Variants in ST6GALNAC5 observed in about 807,000 individuals in gnomAD.
ST6GALNAC5 encodes ST6 N-acetylgalactosaminide alpha-2,6-sialyltransferase 5.
In ST6GALNAC5, 27 loss-of-function variants were observed where a neutral mutation model predicts 33.6. That is an observed-to-expected ratio of 0.80 (90% CI 0.59 to 1.11). ST6GALNAC5 has a LOEUF of 1.11. ST6GALNAC5 is among the 50% of genes least tolerant of loss of function. The pLI is 0.00. For missense variants in ST6GALNAC5, 428 were observed against 454.0 expected (o/e 0.94, Z 0.52); for synonymous variants, 194 against 171.2 (o/e 1.13, Z -1.04).
intron 2 of ST6GALNAC5, among the ~76,000 whole-genome samples, chr1:76,999,675 A>G (rs1427945772): frequency 6.9e-6 from 1 of 144,734 alleles, no homozygotes; most frequent in Non-Finnish European, 1.5e-5. Context: ...AGAGTGTGAT[A>G]TTCCCCTTCC....
intron 2 of ST6GALNAC5, among the ~76,000 whole-genome samples, chr1:76,976,396 T>C (rs879365925): frequency 2.6e-5 from 4 of 152,324 alleles, no homozygotes; most frequent in South Asian, 2.1e-4. Flanking sequence ...CTCCTGTTTT[T>C]ATTCTTTTTT....
At position 77,065,754 on chromosome 1, in the gene ST6GALNAC5, A is replaced by T. The variant is rs1055212503; in HGVS notation, c.*2548A>T. Reference sequence around the variant, plus strand: ...GTTTATAGACCTCGGTGATTTCAGTATCTGATTGTGTTTGATGCCTAAGTC... The same window carrying T: ...GTTTATAGACCTCGGTGATTTCAGTTTCTGATTGTGTTTGATGCCTAAGTC... On this transcript the variant is annotated 3_prime_UTR_variant, in exon 5 of 5. Transcript: ENST00000477717. 6.6e-6 allele frequency: 1 copy of T among 152,196 alleles called. No homozygotes were observed. The highest frequency in any genetic ancestry group is 2.4e-5 in the African/African-American group (1 of 41,454). 9.4% of individuals were successfully genotyped at this position (152,196 alleles called of 1,614,324 possible). A position where few individuals can be genotyped will look rare whatever the true frequency, so the allele number is the denominator to read the frequency against.
At chr1:77,047,603 C>T (rs1652060672) in intron 3 of ST6GALNAC5, among the ~76,000 whole-genome samples, 1 of 152,054 alleles carries the variant, frequency 6.6e-6, no homozygotes. Context: ...ACTTAGATGG[C>T]CAAGTGGTAT....
chr1:76,956,848 C>T (rs562553248), intron 2 of ST6GALNAC5, among the ~76,000 whole-genome samples: 47 of 152,204 alleles, frequency 3.1e-4, no homozygotes, highest in Admixed American at 2.2e-3. Flanking sequence ...TGATTAAGTG[C>T]GGTGTTTAAC....
chr1:76,896,512 C>A (rs866420486), intron 2 of ST6GALNAC5, among the ~76,000 whole-genome samples: 2 of 151,892 alleles, frequency 1.3e-5, no homozygotes. Context: ...TGGTGTGTGG[C>A]GATTAGGCCT....
intron 2 of ST6GALNAC5, among the ~76,000 whole-genome samples, chr1:76,936,772 T>C (rs1179958661): frequency 6.6e-6 from 1 of 152,024 alleles, no homozygotes; most frequent in East Asian, 1.9e-4. Context: ...CTACTGATAA[T>C]GAAATTTTGA....
intron 3 of ST6GALNAC5, among the ~76,000 whole-genome samples, chr1:77,048,474 C>A (rs1652089261): frequency 6.6e-6 from 1 of 152,216 alleles, no homozygotes; most frequent in East Asian, 1.9e-4. Context: ...CCTCTTCTTA[C>A]CCTTTGCCAT....
intron 2 of ST6GALNAC5, among the ~76,000 whole-genome samples, chr1:76,906,874 C>A (rs1419874199): frequency 2.0e-5 from 3 of 152,154 alleles, no homozygotes; most frequent in Non-Finnish European, 4.4e-5. Context: ...CCTTCTCCTG[C>A]TCACCCACCT....
intron 4 of ST6GALNAC5, among the ~76,000 whole-genome samples, chr1:77,059,711 T>C (rs1323427099): frequency 6.6e-6 from 1 of 152,196 alleles, no homozygotes; most frequent in Non-Finnish European, 1.5e-5. Context: ...TCCCCATTAA[T>C]GTTCTGTTCA....
At chr1:76,873,068 G>A (rs1321627001) in intron 2 of ST6GALNAC5, among the ~76,000 whole-genome samples, 1 of 152,200 alleles carries the variant, frequency 6.6e-6, no homozygotes, top group East Asian at 1.9e-4. Flanking sequence ...AATGGCAGAT[G>A]AGTTTGACCA....
intron 2 of ST6GALNAC5, among the ~76,000 whole-genome samples, chr1:76,897,043 A>G (rs1456172507): frequency 1.3e-5 from 2 of 152,020 alleles, no homozygotes; most frequent in Non-Finnish European, 2.9e-5. Context: ...CAGTAGGGAG[A>G]GCACATGTGT....
intron 2 of ST6GALNAC5, among the ~76,000 whole-genome samples, chr1:76,938,184 C>T (rs1163794001): frequency 6.6e-6 from 1 of 151,966 alleles, no homozygotes. Flanking sequence ...GCACTAGTAC[C>T]TTTGGTAAGA....
At chr1:77,050,170 T>G in intron 3 of ST6GALNAC5, 88 bp from the exon 4 acceptor site, 1 of 1,081,682 alleles carries the variant, frequency 9.2e-7, no homozygotes, top group Non-Finnish European at 1.4e-6. Context: ...TTGTTTATAG[T>G]TAGCCTTACT....
chr1:77,053,297 T>C (rs917219121), intron 4 of ST6GALNAC5, among the ~76,000 whole-genome samples: 3 of 152,110 alleles, frequency 2.0e-5, no homozygotes, highest in Non-Finnish European at 4.4e-5. Flanking sequence ...TGGTTGTGGA[T>C]GGTTTTGTGT....
intron 2 of ST6GALNAC5, among the ~76,000 whole-genome samples, chr1:77,001,752 T>C (rs1045118531): frequency 1.3e-5 from 2 of 149,866 alleles, no homozygotes; most frequent in African/African-American, 4.9e-5. Context: ...GATAATCATG[T>C]GGTTTTTGTC....
chr1:77,037,042 A>G (rs1015528614), intron 2 of ST6GALNAC5, among the ~76,000 whole-genome samples: 19 of 152,082 alleles, frequency 1.2e-4, no homozygotes. Context: ...GGGTGGGAGG[A>G]ATTGCTAACA....
intron 2 of ST6GALNAC5, among the ~76,000 whole-genome samples, chr1:77,037,458 A>T (rs906763821): frequency 2.6e-5 from 4 of 152,160 alleles, no homozygotes; most frequent in Non-Finnish European, 5.9e-5. Flanking sequence ...TCCTCACTAC[A>T]TTTGTGATGG....
intron 2 of ST6GALNAC5, among the ~76,000 whole-genome samples, chr1:76,962,748 G>A (rs1436116192): frequency 6.6e-6 from 1 of 152,224 alleles, no homozygotes; most frequent in East Asian, 1.9e-4. Context: ...TGTTAATTTG[G>A]ATCTTTTAAA....
intron 2 of ST6GALNAC5, among the ~76,000 whole-genome samples, chr1:77,028,773 G>A (rs1055692194): frequency 1.3e-5 from 2 of 152,202 alleles, no homozygotes; most frequent in Admixed American, 6.5e-5. Flanking sequence ...TTTTATAGGT[G>A]AGGGAACTAA....
Sources: allele counts gnomAD v4.1 joint callset (sites outside exome capture counted in the v4.1 genomes callset), GRCh38; gene constraint gnomAD v4.1.1; transcripts MANE v1.5; gene names NCBI Gene and HGNC (gene_info 2026-07-23, HGNC 2026-07-21).